Variants in ANGPT1 observed in about 807,000 individuals in gnomAD.
ANGPT1 encodes angiopoietin 1.
Under a neutral mutation model 62.2 loss-of-function variants are expected in ANGPT1, and 17 were observed. That is an observed-to-expected ratio of 0.27 (90% CI 0.19 to 0.41). The LOEUF (loss-of-function observed/expected upper bound fraction) is 0.41. Ranked by LOEUF, ANGPT1 falls within the 10% of genes least tolerant of loss-of-function variation. The pLI is 1.00. For missense variants in ANGPT1, 478 were observed against 594.9 expected (o/e 0.80, Z 2.04); for synonymous variants, 199 against 198.9 (o/e 1.00, Z 0.00).
chr8:107,345,572 A>G (rs1332954428), intron 2 of ANGPT1, among the ~76,000 whole-genome samples: 2 of 152,198 alleles, frequency 1.3e-5, no homozygotes, highest in Non-Finnish European at 2.9e-5. Context: ...TCAAATATGC[A>G]ATTAAGTAGG....
intron 4 of ANGPT1, among the ~76,000 whole-genome samples, chr8:107,319,437 T>C (rs2130053061): frequency 6.6e-6 from 1 of 152,260 alleles, no homozygotes; most frequent in East Asian, 1.9e-4. Context: ...GTAGAATACC[T>C]ATATTTGAGC....
At chr8:107,267,653 C>T (rs1449887952) in intron 7 of ANGPT1, among the ~76,000 whole-genome samples, 1 of 152,068 alleles carries the variant, frequency 6.6e-6, no homozygotes, top group Non-Finnish European at 1.5e-5. Flanking sequence ...ACATGCATCT[C>T]ATCATTCCTC....
intron 7 of ANGPT1, among the ~76,000 whole-genome samples, chr8:107,283,846 T>C (rs1420633913): frequency 6.6e-6 from 1 of 152,140 alleles, no homozygotes; most frequent in African/African-American, 2.4e-5. Flanking sequence ...CTAAAATATC[T>C]TCCCTGTTCC....
In ANGPT1 at chr8:107,362,815, G is replaced by C. The variant is rs60638200; in HGVS notation, c.298-15718C>G. 9.7e-3 allele frequency among the ~76,000 whole-genome samples: 1,477 copies of C among 152,216 alleles called. 27 individuals are homozygous for C. The highest frequency in any genetic ancestry group is 0.029 in the African/African-American group (1,187 of 41,542). ...TTTCTGTAAAAAAGGAAGAGTCAGA[G>C]ATTATAAGTAATTTCCCAGAAGACA... On this transcript the variant is annotated intron_variant, in intron 1 of 8. Transcript: ENST00000517746.
chr8:107,285,003 C>T (rs1814105971), intron 6 of ANGPT1, among the ~76,000 whole-genome samples, 155 bp from the exon 7 acceptor site: 1 of 152,040 alleles, frequency 6.6e-6, no homozygotes, highest in African/African-American at 2.4e-5. Context: ...ATTGACATTT[C>T]AATAATTCTG....
At chr8:107,413,501 A>G (rs1810647138) in intron 1 of ANGPT1, among the ~76,000 whole-genome samples, 1 of 152,008 alleles carries the variant, frequency 6.6e-6, no homozygotes, top group South Asian at 2.1e-4. Context: ...AAAAACCCTC[A>G]GTAACCAAGA....
At chr8:107,293,698 T>C (rs1385581412) in intron 6 of ANGPT1, among the ~76,000 whole-genome samples, 2 of 152,140 alleles carry the variant, frequency 1.3e-5, no homozygotes, top group Non-Finnish European at 2.9e-5. Context: ...ATACAGACAA[T>C]ACACAACAGT....
At chr8:107,415,505 C>G (rs1810716460) in intron 1 of ANGPT1, among the ~76,000 whole-genome samples, 1 of 152,064 alleles carries the variant, frequency 6.6e-6, no homozygotes, top group Admixed American at 6.6e-5. Context: ...TCCCCCATTG[C>G]CAGAAAAGGT....
At chr8:107,312,477 A>T (rs538391760) in intron 4 of ANGPT1, among the ~76,000 whole-genome samples, 18 of 152,346 alleles carry the variant, frequency 1.2e-4, no homozygotes, top group Admixed American at 3.9e-4. Flanking sequence ...TAAACATAGA[A>T]AGCAGTTGCC....
chr8:107,302,643 AG>A (rs1033568989), intron 5 of ANGPT1, among the ~76,000 whole-genome samples: 1 of 151,966 alleles, frequency 6.6e-6, no homozygotes, highest in Admixed American at 6.6e-5. Context: ...AGTATACAAA[AG>A]AGATGTTACA....
chr8:107,264,534 T>G (rs2130038042), intron 7 of ANGPT1, among the ~76,000 whole-genome samples, 183 bp from the exon 8 acceptor site: 1 of 152,276 alleles, frequency 6.6e-6, no homozygotes, highest in South Asian at 2.1e-4. Flanking sequence ...GGAAAAAGTT[T>G]ATTTCATTAT....
intron 1 of ANGPT1, among the ~76,000 whole-genome samples, chr8:107,461,672 C>T (rs1254260649): frequency 6.6e-6 from 1 of 152,050 alleles, no homozygotes; most frequent in Non-Finnish European, 1.5e-5. Context: ...CACTTTTAAC[C>T]TATATTCAGA....
At chr8:107,372,627 GA>G (rs1816439070) in intron 1 of ANGPT1, among the ~76,000 whole-genome samples, 3 of 151,842 alleles carry the variant, frequency 2.0e-5, no homozygotes, top group African/African-American at 7.3e-5. Context: ...GCTGTTTCTC[GA>G]AATGTCTGCT....
chr8:107,268,490 T>C (rs1032159034), intron 7 of ANGPT1, among the ~76,000 whole-genome samples: 4 of 151,850 alleles, frequency 2.6e-5, no homozygotes, highest in African/African-American at 9.7e-5. Flanking sequence ...GTTTTGTTTT[T>C]GTTCTTATTT....
At chr8:107,255,396 C>T (rs1023550516) in intron 8 of ANGPT1, among the ~76,000 whole-genome samples, 1 of 152,070 alleles carries the variant, frequency 6.6e-6, no homozygotes, top group Non-Finnish European at 1.5e-5. Flanking sequence ...AAAAAATAAA[C>T]AGGAGGGAAA....
intron 1 of ANGPT1, among the ~76,000 whole-genome samples, chr8:107,375,985 G>A (rs895016398): frequency 6.6e-6 from 1 of 152,172 alleles, no homozygotes; most frequent in Non-Finnish European, 1.5e-5. Context: ...AAGGGCCTAT[G>A]GGAAGAGACC....
chr8:107,255,672 G>C (rs1813342063), intron 8 of ANGPT1, among the ~76,000 whole-genome samples: 1 of 152,170 alleles, frequency 6.6e-6, no homozygotes, highest in South Asian at 2.1e-4. Context: ...AATGCTCACA[G>C]AGTTTAAGGA....
At chr8:107,254,943 T>C (rs1167699669) in intron 8 of ANGPT1, among the ~76,000 whole-genome samples, 1 of 151,992 alleles carries the variant, frequency 6.6e-6, no homozygotes, top group Non-Finnish European at 1.5e-5. Flanking sequence ...CCTCATTCTC[T>C]ACGATCTTCC....
Position 107,250,062 on chromosome 8 carries a change from T to C in ANGPT1, c.*1793A>G. The C allele has an allele frequency of 6.6e-6, 1 of 152,592 alleles. No individual in the cohort carries two copies. Among genetic ancestry groups the C allele is most frequent in the East Asian group, 1.9e-4 (1 of 5,204 alleles). The allele number at this position is 152,592 out of a possible 1,614,324, so 9.5% of individuals were successfully genotyped here. On this transcript the variant is annotated 3_prime_UTR_variant, in exon 9 of 9. Coordinates refer to ENST00000517746, the MANE Select transcript of ANGPT1 (RefSeq NM_001146.5). ...TGATGGTAAACTTTAAAAAGTATTT[T>C]TCTTAACAATGTGAATAGCTTTATT...
Sources: allele counts gnomAD v4.1 joint callset (sites outside exome capture counted in the v4.1 genomes callset), GRCh38; gene constraint gnomAD v4.1.1; transcripts MANE v1.5; gene names NCBI Gene and HGNC (gene_info 2026-07-23, HGNC 2026-07-21).